Variants in NKAIN3 observed in about 807,000 individuals in gnomAD.
The protein encoded by NKAIN3 is sodium/potassium-transporting ATPase subunit beta-1-interacting protein 3.
A neutral mutation model predicts 30.2 loss-of-function variants in NKAIN3; 25 were observed. The ratio of observed to expected loss-of-function variants is 0.83; its 90% CI spans 0.60 to 1.16. The LOEUF is 1.16. Among genes scored for constraint, NKAIN3 ranks in the 50% most tolerant of loss-of-function variants. The pLI is 0.00. For missense variants in NKAIN3, 225 were observed against 254.1 expected (o/e 0.89, Z 0.78); for synonymous variants, 91 against 89.6 (o/e 1.02, Z -0.09).
At chr8:62,560,020 G>A (rs949720888) in intron 1 of NKAIN3, among the ~76,000 whole-genome samples, 1 of 152,012 alleles carries the variant, frequency 6.6e-6, no homozygotes, top group Admixed American at 6.6e-5. Context: ...ATTCCTAAAG[G>A]TTATTTTTGC....
At chr8:62,578,491 A>G (rs1810188610) in intron 1 of NKAIN3, among the ~76,000 whole-genome samples, 1 of 152,114 alleles carries the variant, frequency 6.6e-6, no homozygotes, top group Non-Finnish European at 1.5e-5. Flanking sequence ...CTCTAGTTTT[A>G]GATCAGAGTC....
chr8:62,701,305 C>A (rs1428927347), intron 3 of NKAIN3, among the ~76,000 whole-genome samples: 1 of 152,174 alleles, frequency 6.6e-6, no homozygotes. Context: ...CTACACATGA[C>A]CAGCCATTTT....
intron 3 of NKAIN3, among the ~76,000 whole-genome samples, chr8:62,591,844 G>T (rs887676304): frequency 3.9e-5 from 6 of 151,908 alleles, no homozygotes; most frequent in Non-Finnish European, 8.8e-5. Context: ...AATCTATTTT[G>T]GAAAATAAAG....
At chr8:62,661,051 C>A (rs760229366) in intron 3 of NKAIN3, among the ~76,000 whole-genome samples, 1 of 152,210 alleles carries the variant, frequency 6.6e-6, no homozygotes, top group South Asian at 2.1e-4. Flanking sequence ...AGATACTCAA[C>A]ACAAGCAATT....
chr8:62,561,197 C>A (rs1049152598), intron 1 of NKAIN3, among the ~76,000 whole-genome samples: 9 of 152,004 alleles, frequency 5.9e-5, no homozygotes, highest in African/African-American at 2.2e-4. Context: ...TTATATGCAG[C>A]AAAAAGAAAA....
chr8:62,369,594 A>G (rs1444132247), intron 1 of NKAIN3, among the ~76,000 whole-genome samples: 1 of 152,066 alleles, frequency 6.6e-6, no homozygotes. Context: ...GAGAATTTAT[A>G]GGAATGTCTT....
chr8:62,608,564 C>T (rs1165047464), intron 3 of NKAIN3, among the ~76,000 whole-genome samples: 5 of 152,102 alleles, frequency 3.3e-5, no homozygotes, highest in Non-Finnish European at 7.4e-5. Flanking sequence ...GGCAAACATG[C>T]ATTATTTTAC....
At chr8:62,443,329 T>C (rs1244569562) in intron 1 of NKAIN3, among the ~76,000 whole-genome samples, 1 of 152,070 alleles carries the variant, frequency 6.6e-6, no homozygotes, top group Admixed American at 6.6e-5. Context: ...TTGTCCTTCA[T>C]TGCTGCTTTC....
chr8:62,851,490 T>G (rs1371470296), intron 4 of NKAIN3, among the ~76,000 whole-genome samples: 3 of 152,226 alleles, frequency 2.0e-5, no homozygotes, highest in Non-Finnish European at 4.4e-5. Context: ...CTTCCAACAC[T>G]ATTTTTAATA....
intron 3 of NKAIN3, among the ~76,000 whole-genome samples, chr8:62,600,735 ACCTTATTGT>A (rs976506820): frequency 7.2e-5 from 11 of 152,034 alleles, no homozygotes; most frequent in African/African-American, 2.7e-4. Flanking sequence ...CAATAATAGC[ACCTTATTGT>A]CCTCTTTTGA....
At chr8:62,721,115 C>A (rs1054946966) in intron 3 of NKAIN3, among the ~76,000 whole-genome samples, 3 of 152,088 alleles carry the variant, frequency 2.0e-5, no homozygotes, top group Non-Finnish European at 2.9e-5. Flanking sequence ...TTTTACGTAG[C>A]CCCATCTGTC....
At chr8:62,281,850 C>T (rs575747227) in intron 1 of NKAIN3, among the ~76,000 whole-genome samples, 4 of 152,090 alleles carry the variant, frequency 2.6e-5, no homozygotes. Flanking sequence ...AAATTGAATA[C>T]AGGAAGCCCA....
At chr8:62,746,835 G>T in intron 3 of NKAIN3, 97 bp from the exon 4 acceptor site, 1 of 788,766 alleles carries the variant, frequency 1.3e-6, no homozygotes. Context: ...AATCACTGTA[G>T]CAATTTCATC....
intron 1 of NKAIN3, among the ~76,000 whole-genome samples, chr8:62,421,688 C>T (rs1804646773): frequency 6.6e-6 from 1 of 151,980 alleles, no homozygotes; most frequent in Admixed American, 6.6e-5. Context: ...GTACTCCCCA[C>T]AGGAAACCAG....
intron 1 of NKAIN3, among the ~76,000 whole-genome samples, chr8:62,356,636 T>A (rs953607814): frequency 3.3e-5 from 5 of 152,192 alleles, no homozygotes; most frequent in Non-Finnish European, 7.4e-5. Context: ...ATTCATTGTG[T>A]CTTGGCAGGC....
intron 2 of NKAIN3, among the ~76,000 whole-genome samples, chr8:62,580,622 T>C (rs533460534): frequency 1.4e-4 from 21 of 152,306 alleles, no homozygotes; most frequent in African/African-American, 5.1e-4. Context: ...GTTATAATTT[T>C]TCTCTGTTAA....
At chr8:62,609,103 T>C (rs1811211930) in intron 3 of NKAIN3, among the ~76,000 whole-genome samples, 1 of 152,168 alleles carries the variant, frequency 6.6e-6, no homozygotes, top group Non-Finnish European at 1.5e-5. Flanking sequence ...CAGGTCAGGC[T>C]ATAATGATTT....
At chr8:62,853,782 T>C (rs1283882812) in intron 4 of NKAIN3, among the ~76,000 whole-genome samples, 1 of 152,202 alleles carries the variant, frequency 6.6e-6, no homozygotes. Context: ...TTCTTTTAAC[T>C]GTGATGTTAA....
intron 5 of NKAIN3, among the ~76,000 whole-genome samples, chr8:62,952,617 T>C (rs1415363466): frequency 6.6e-6 from 1 of 152,196 alleles, no homozygotes; most frequent in Non-Finnish European, 1.5e-5. Context: ...ATGAATCTTC[T>C]ACATTTTAGT....
Sources: allele counts gnomAD v4.1 joint callset (sites outside exome capture counted in the v4.1 genomes callset), GRCh38; gene constraint gnomAD v4.1.1; transcripts MANE v1.5; gene names NCBI Gene and HGNC (gene_info 2026-07-23, HGNC 2026-07-21).